STK31: variants seen among roughly 807,000 people sequenced by gnomAD.
The protein encoded by STK31 is serine/threonine-protein kinase 31.
Under a neutral mutation model 129.7 loss-of-function variants are expected in STK31, and 89 were observed. The ratio of observed to expected loss-of-function variants is 0.69; its 90% confidence interval spans 0.58 to 0.82. STK31 has a LOEUF of 0.82. STK31 is among the 40% of genes least tolerant of loss of function. The pLI is 0.00. For synonymous variants in STK31, 448 were observed against 395.3 expected, an observed-to-expected ratio of 1.13 and a Z score of -1.58; for missense variants, 1,187 against 1,176.4, an observed-to-expected ratio of 1.01 and a Z score of -0.13.
chr7:23,727,555 TC>T (rs376459095), intron 5 of STK31: 34 of 200,246 alleles, frequency 1.7e-4, no homozygotes, highest in Middle Eastern at 1.7e-3. Context: ...TTACCTCAGT[TC>T]TTTTTTTTTT....
chr7:23,739,125 G>A (rs377593413), intron 8 of STK31, among the ~76,000 whole-genome samples: 4 of 152,168 alleles, frequency 2.6e-5, no homozygotes, highest in East Asian at 3.9e-4. Flanking sequence ...TCTCCACATC[G>A]TCTCCAGCAT....
rs111771065 is a variant in STK31, at chr7:23,745,817, G to A, written c.1018-6900G>A. ...ATGGGGTAGCCTTTCCTCTGGGTCCGTGAAAATGCATGGTTGCCCTTCTTG... is the reference window on the plus strand; with the variant it reads ...ATGGGGTAGCCTTTCCTCTGGGTCCATGAAAATGCATGGTTGCCCTTCTTG... On this transcript the variant is annotated intron_variant, in intron 8 of 23. Coordinates refer to ENST00000355870, the MANE Select transcript of STK31 (RefSeq NM_031414.5). Among the ~76,000 whole-genome samples the A allele has an allele frequency of 3.7e-3, 559 of 152,260 alleles. 2 individuals carry two copies. The highest frequency in any genetic ancestry group is 4.8e-3 in the Non-Finnish European group (328 of 68,018).
intron 15 of STK31, among the ~76,000 whole-genome samples, chr7:23,779,480 A>C (rs1203731233): frequency 3.3e-5 from 5 of 152,080 alleles, no homozygotes; most frequent in Non-Finnish European, 4.4e-5. Context: ...GGAGGATGGG[A>C]GTTTTATCTA....
chr7:23,797,762 A>T (rs1792067160), intron 22 of STK31, among the ~76,000 whole-genome samples: 1 of 151,310 alleles, frequency 6.6e-6, no homozygotes, highest in Admixed American at 6.7e-5. Context: ...AATTAAGATC[A>T]GGGCAGAACT....
chr7:23,822,040 A>G (rs867037102), intron 23 of STK31, among the ~76,000 whole-genome samples: 4 of 152,264 alleles, frequency 2.6e-5, no homozygotes, highest in Admixed American at 1.3e-4. Flanking sequence ...GTTGGTTACT[A>G]TAGCCTTGTA....
chr7:23,815,981 A>G (rs184811791), intron 23 of STK31, among the ~76,000 whole-genome samples: 108 of 152,268 alleles, frequency 7.1e-4, no homozygotes, highest in Middle Eastern at 3.4e-3. Context: ...TAAGATTACA[A>G]TGAAAGAGTA....
intron 10 of STK31, among the ~76,000 whole-genome samples, chr7:23,760,961 C>T (rs1397868509): frequency 3.3e-5 from 5 of 152,148 alleles, no homozygotes; most frequent in Admixed American, 6.5e-5. Flanking sequence ...CTACCATGCC[C>T]GTACCCTAGT....
intron 9 of STK31, among the ~76,000 whole-genome samples, chr7:23,753,612 A>G (rs909353202): frequency 1.3e-5 from 2 of 152,228 alleles, no homozygotes; most frequent in Non-Finnish European, 2.9e-5. Context: ...CAGCAAGCCC[A>G]CTACGTTTGT....
At chr7:23,717,718 T>A (rs1489315204) in intron 4 of STK31, 139 bp downstream of exon 4, 2 of 631,748 alleles carry the variant, frequency 3.2e-6, no homozygotes, top group African/African-American at 1.8e-5. Context: ...ACTGTTATGG[T>A]ATATTTATTA....
intron 8 of STK31, among the ~76,000 whole-genome samples, chr7:23,751,562 T>G (rs560987732): frequency 6.6e-6 from 1 of 152,328 alleles, no homozygotes; most frequent in African/African-American, 2.4e-5. Context: ...GTTTTATAAA[T>G]ATTAGGCTGA....
chr7:23,756,536 A>G (rs1425320828), intron 10 of STK31, among the ~76,000 whole-genome samples: 1 of 152,168 alleles, frequency 6.6e-6, no homozygotes, highest in Non-Finnish European at 1.5e-5. Context: ...ACTGTGGTGA[A>G]TAGGAGTGGT....
intron 8 of STK31, among the ~76,000 whole-genome samples, chr7:23,750,629 G>A (rs73080983): frequency 0.024 from 3,719 of 152,230 alleles, 57 homozygotes; most frequent in Non-Finnish European, 0.037. Flanking sequence ...TTATTATTTA[G>A]TGAAGCATAT....
intron 22 of STK31, among the ~76,000 whole-genome samples, chr7:23,797,989 A>G (rs188502022): frequency 1.2e-3 from 188 of 152,340 alleles, no homozygotes; most frequent in African/African-American, 4.3e-3. Flanking sequence ...CAAATCAACT[A>G]GAAAATCTAG....
At chr7:23,769,598 G>T in intron 12 of STK31, 42 bp from the exon 13 acceptor site, 1 of 1,321,096 alleles carries the variant, frequency 7.6e-7, no homozygotes. Context: ...AATGCTGATT[G>T]AATTAAATGA....
At chr7:23,821,597 A>G (rs1199892132) in intron 23 of STK31, among the ~76,000 whole-genome samples, 2 of 152,102 alleles carry the variant, frequency 1.3e-5, no homozygotes, top group Non-Finnish European at 2.9e-5. Context: ...CAATTCAACA[A>G]ATTGTCTCTT....
In STK31 at chr7:23,710,319, G is replaced by C. The variant is rs763159094; in HGVS notation, c.34G>C (p.Ala12Pro). The change falls in exon 1 of 24, where the codon GCA (alanine) becomes CCA (proline). Residue 12 changes from alanine to proline, a missense_variant. This residue lies in a region of STK31 where 104 missense variants were observed against 98.3 expected (regional missense o/e 1.06). Coordinates refer to ENST00000355870, the MANE Select transcript of STK31 (RefSeq NM_031414.5). ...WVQGHSSRAS[A>P]TESVSFSGIV... ...CCAGGGTCACTCTTCTAGAGCTTCC[G>C]CAACGGAAAGTGTGAGGTCAGTAGT... 2 of 1,613,292 alleles carry C rather than the reference G, an allele frequency of 1.2e-6. No homozygotes were observed. The highest frequency in any genetic ancestry group is 1.7e-6 in the Non-Finnish European group (2 of 1,179,930).
chr7:23,738,936 T>C (rs1473506932), intron 8 of STK31, among the ~76,000 whole-genome samples: 6 of 152,248 alleles, frequency 3.9e-5, no homozygotes, highest in South Asian at 2.1e-4. Context: ...GCAATAAACA[T>C]ATGTGTGCAT....
At chr7:23,782,471 C>CAAAAAAAAAAAAA (rs66962254) in intron 16 of STK31, among the ~76,000 whole-genome samples, 15 of 84,512 alleles carry the variant, frequency 1.8e-4, no homozygotes, top group Admixed American at 2.7e-4. Context: ...GACCCTGTCT[C>CAAAAAAAAAAAAA]AAAAAAAAAA....
chr7:23,741,969 G>T (rs1756898100), intron 8 of STK31, among the ~76,000 whole-genome samples: 1 of 152,220 alleles, frequency 6.6e-6, no homozygotes, highest in Non-Finnish European at 1.5e-5. Context: ...CCTGTGCCCT[G>T]GGATACTGGG....
Sources: gnomAD v4.1 joint callset for allele counts (sites outside exome capture counted in the v4.1 genomes callset) on GRCh38, gnomAD v4.1.1 for gene constraint, gnomAD v4.1.1 regional missense constraint, MANE v1.5 for transcripts, NCBI Gene and HGNC (gene_info 2026-07-23, HGNC 2026-07-21) for gene names.